ADGRB3: variants seen among roughly 807,000 people sequenced by gnomAD.
ADGRB3 encodes brain-specific angiogenesis inhibitor 3.
A neutral mutation model predicts 193.4 loss-of-function variants in ADGRB3; 37 were observed. That is an observed-to-expected ratio of 0.19 (90% CI 0.15 to 0.25). The LOEUF is 0.25. Among genes scored for constraint, ADGRB3 ranks in the 10% least tolerant of loss-of-function variants. ADGRB3 has a pLI of 1.00. For missense variants in ADGRB3, 1,637 were observed against 1,852.9 expected (o/e 0.88, Z 2.14); for synonymous variants, 690 against 644.2 (o/e 1.07, Z -1.08).
At chr6:68,929,068 A>T (rs927314458) in intron 3 of ADGRB3, among the ~76,000 whole-genome samples, 8 of 152,162 alleles carry the variant, frequency 5.3e-5, no homozygotes, top group African/African-American at 1.4e-4. Flanking sequence ...CATACAGCAC[A>T]CATAACTGAA....
At chr6:68,845,171 G>C (rs1321187383) in intron 3 of ADGRB3, among the ~76,000 whole-genome samples, 3 of 152,138 alleles carry the variant, frequency 2.0e-5, no homozygotes, top group African/African-American at 7.2e-5. Flanking sequence ...CACTTAGCAT[G>C]ATGTGACTAT....
chr6:68,671,015 T>C (rs1768942831), intron 3 of ADGRB3, among the ~76,000 whole-genome samples: 1 of 151,960 alleles, frequency 6.6e-6, no homozygotes, highest in African/African-American at 2.4e-5. Flanking sequence ...ATTTGATGTG[T>C]GGTTATTGTA....
At chr6:68,731,175 AT>A (rs34939726) in intron 3 of ADGRB3, among the ~76,000 whole-genome samples, 7,215 of 151,750 alleles carry the variant, frequency 0.048, 560 homozygotes, top group African/African-American at 0.17. Flanking sequence ...TAGGACATAT[AT>A]AACTTACTAT....
intron 3 of ADGRB3, among the ~76,000 whole-genome samples, chr6:68,843,746 G>A (rs906210028): frequency 1.3e-5 from 2 of 151,952 alleles, no homozygotes; most frequent in Admixed American, 1.3e-4. Flanking sequence ...TAAAACTGGA[G>A]GAATCACATT....
intron 17 of ADGRB3, among the ~76,000 whole-genome samples, chr6:69,143,473 G>C (rs1774396530): frequency 6.6e-6 from 1 of 152,112 alleles, no homozygotes; most frequent in Non-Finnish European, 1.5e-5. Flanking sequence ...AATGTCCCCA[G>C]AGATTTTCCT....
At chr6:68,902,288 C>T (rs879018418) in intron 3 of ADGRB3, among the ~76,000 whole-genome samples, 10 of 152,028 alleles carry the variant, frequency 6.6e-5, no homozygotes, top group East Asian at 1.9e-4. Flanking sequence ...ACAATAGAGA[C>T]GTTCTCTGAA....
intron 20 of ADGRB3, among the ~76,000 whole-genome samples, chr6:69,314,095 A>G (rs1768258751): frequency 6.6e-6 from 1 of 151,742 alleles, no homozygotes; most frequent in Non-Finnish European, 1.5e-5. Context: ...AACAGTATAT[A>G]ATGAAGCATC....
rs12529838 is a variant in ADGRB3, at chr6:68,899,456, A to C, written c.758-31103A>C. 3.7e-3 allele frequency among the ~76,000 whole-genome samples: 369 copies of C among 98,758 alleles called. 2 individuals carry two copies. Among genetic ancestry groups the C allele is most frequent in the Middle Eastern group, 0.015 (2 of 132 alleles). 64.8% of individuals were successfully genotyped at this position (98,758 alleles called of 152,430 possible). On this transcript the variant is annotated intron_variant, in intron 3 of 31. Transcript: ENST00000370598. Reference sequence around the variant, plus strand: ...TCCCTCCCCCCTCCCCCCACCCCACAACAGTCCCCAGAGTGTGATATTCCC... The same window carrying C: ...TCCCTCCCCCCTCCCCCCACCCCACCACAGTCCCCAGAGTGTGATATTCCC...
intron 3 of ADGRB3, among the ~76,000 whole-genome samples, chr6:68,830,816 G>A (rs1248505703): frequency 6.6e-6 from 1 of 152,060 alleles, no homozygotes; most frequent in South Asian, 2.1e-4. Context: ...GCATGGGTCA[G>A]GGAGTGGGGA....
intron 2 of ADGRB3, among the ~76,000 whole-genome samples, chr6:68,638,458 A>C (rs998474872): frequency 6.6e-6 from 1 of 152,228 alleles, no homozygotes; most frequent in Non-Finnish European, 1.5e-5. Context: ...GAATTTGACC[A>C]TTGTGAATGG....
At chr6:68,675,814 G>A (rs911055300) in intron 3 of ADGRB3, among the ~76,000 whole-genome samples, 1 of 152,124 alleles carries the variant, frequency 6.6e-6, no homozygotes, top group African/African-American at 2.4e-5. Flanking sequence ...CCCTAGTGGC[G>A]AAGCTTCAGA....
At chr6:69,327,638 G>A (rs1768607346) in intron 21 of ADGRB3, among the ~76,000 whole-genome samples, 182 bp from the exon 22 acceptor site, 1 of 152,084 alleles carries the variant, frequency 6.6e-6, no homozygotes, top group Non-Finnish European at 1.5e-5. Flanking sequence ...TAAAAGCTCA[G>A]GTACCTCTCT....
intron 17 of ADGRB3, among the ~76,000 whole-genome samples, chr6:69,148,339 T>A (rs1030947054): frequency 1.3e-5 from 2 of 152,142 alleles, no homozygotes; most frequent in Non-Finnish European, 2.9e-5. Context: ...CTTGCAATAA[T>A]GTCTTATAAC....
At chr6:68,807,152 G>C (rs542145771) in intron 3 of ADGRB3, among the ~76,000 whole-genome samples, 35 of 151,386 alleles carry the variant, frequency 2.3e-4, no homozygotes, top group Non-Finnish European at 4.7e-4. Context: ...TATAGGGAAT[G>C]TGAGATAATG....
intron 3 of ADGRB3, among the ~76,000 whole-genome samples, chr6:68,831,959 T>A (rs925417138): frequency 7.2e-5 from 11 of 152,170 alleles, no homozygotes; most frequent in African/African-American, 2.7e-4. Context: ...CATGCAGACT[T>A]AATGATGGCA....
chr6:68,974,904 C>T lies in ADGRB3; in HGVS notation c.1627+40C>T, dbSNP rs199752180. The T allele has an allele frequency of 2.9e-5, 44 of 1,527,636 alleles. No homozygotes were observed. In the African/African-American group the frequency reaches 5.1e-4, roughly 18 times the overall value. 94.6% of individuals were successfully genotyped at this position (1,527,636 alleles called of 1,614,324 possible). A position where few individuals can be genotyped will look rare whatever the true frequency, so the allele number is the denominator to read the frequency against. The stretch of plus-strand genomic sequence containing the variant: ...CCCACCCAAACCCTAGTGATAATCC[C>T]CATCCAAGAACAGCATGCAGTGTTG... On this transcript the variant is annotated intron_variant, in intron 9 of 31. Coordinates refer to ENST00000370598, the MANE Select transcript of ADGRB3 (RefSeq NM_001704.3).
intron 17 of ADGRB3, among the ~76,000 whole-genome samples, chr6:69,193,216 C>T (rs1342348049): frequency 2.6e-5 from 4 of 152,056 alleles, no homozygotes; most frequent in Non-Finnish European, 5.9e-5. Context: ...TCATGCCTTC[C>T]TCTGACTCAA....
intron 8 of ADGRB3, among the ~76,000 whole-genome samples, chr6:68,964,649 T>G (rs1327940739): frequency 6.6e-6 from 1 of 152,180 alleles, no homozygotes; most frequent in Non-Finnish European, 1.5e-5. Flanking sequence ...GTTAGTTAGC[T>G]AATTTTTTAA....
At chr6:69,194,758 G>C (rs1192673046) in intron 17 of ADGRB3, among the ~76,000 whole-genome samples, 1 of 152,030 alleles carries the variant, frequency 6.6e-6, no homozygotes, top group East Asian at 1.9e-4. Flanking sequence ...GGAGCCTCCA[G>C]GGCTACTCTG....
Sources: gnomAD v4.1 joint callset for allele counts (sites outside exome capture counted in the v4.1 genomes callset) on GRCh38, gnomAD v4.1.1 for gene constraint, MANE v1.5 for transcripts, NCBI Gene and HGNC (gene_info 2026-07-23, HGNC 2026-07-21) for gene names.